The following TECRL variants were observed in gnomAD, a reference collection of about 807,000 sequenced individuals.
The protein encoded by TECRL is trans-2,3-enoyl-CoA reductase-like.
In TECRL, 63 loss-of-function variants were observed where a neutral mutation model predicts 52.8. That is an observed-to-expected ratio of 1.19 (90% confidence interval 0.97 to 1.47). TECRL has a LOEUF of 1.47. Ranked by LOEUF, TECRL falls within the 40% of genes most tolerant of loss-of-function variation. The pLI is 0.00. For missense variants in TECRL, 482 were observed against 429.6 expected, an observed-to-expected ratio of 1.12 and a Z score of -1.08; for synonymous variants, 164 against 141.9, an observed-to-expected ratio of 1.16 and a Z score of -1.10.
chr4:64,302,186 C>T (rs1410139698), intron 7 of TECRL, among the ~76,000 whole-genome samples: 1 of 151,300 alleles, frequency 6.6e-6, no homozygotes, highest in South Asian at 2.1e-4. Context: ...GGAAAATAAA[C>T]TCTAGTAGAA....
At position 64,327,459 on chromosome 4, in the gene TECRL, A is replaced by G. The variant is rs865877033; in HGVS notation, c.331+1053T>C. On this transcript the variant is annotated intron_variant, in intron 3 of 11. Transcript: ENST00000381210. ...TGTGTAAGAGTCAATTTCATTTCAT[A>G]TATGTCAACATCCATGTATTGAAAG... is the stretch of plus-strand genomic sequence containing the variant. 4.6e-5 allele frequency among the ~76,000 whole-genome samples: 7 copies of G among 152,242 alleles called. No homozygotes were observed. In the Middle Eastern group the frequency reaches 0.01, roughly 222 times the overall value.
At chr4:64,314,544 T>C (rs1337065233) in intron 5 of TECRL, 104 bp downstream of exon 5, 1 of 833,430 alleles carries the variant, frequency 1.2e-6, no homozygotes, top group Non-Finnish European at 2.0e-6. Flanking sequence ...ACAACCTTTA[T>C]TAATATTTTA....
intron 2 of TECRL, among the ~76,000 whole-genome samples, chr4:64,358,595 T>C (rs1720951061): frequency 6.6e-6 from 1 of 151,664 alleles, no homozygotes; most frequent in Non-Finnish European, 1.5e-5. Context: ...ACTTTATTCT[T>C]TGTAATTTGT....
Position 64,314,620 on chromosome 4 carries a change from TG to T in TECRL, c.551+27del, listed in dbSNP as rs761616219. The stretch of plus-strand genomic sequence containing the variant: ...GTGTGTGTGTGTGTGTGTGTGTGTG[TG>T]TGTGTGTGTGTGTGTGTATCACTTA... On this transcript the variant is annotated intron_variant, in intron 5 of 11. Transcript: ENST00000381210. 7.9e-6 allele frequency: 9 copies of T among 1,143,944 alleles called. No homozygotes were observed. The South Asian group carries it at 1.1e-4, about 14-fold the overall frequency. 70.9% of individuals were successfully genotyped at this position (1,143,944 alleles called of 1,614,324 possible). A position where few individuals can be genotyped will look rare whatever the true frequency, so the allele number is the denominator to read the frequency against.
intron 1 of TECRL, among the ~76,000 whole-genome samples, chr4:64,388,012 T>C (rs1488250420): frequency 1.3e-5 from 2 of 151,770 alleles, no homozygotes; most frequent in Non-Finnish European, 2.9e-5. Flanking sequence ...TATTTTCATA[T>C]AGTAGAAATT....
At chr4:64,338,771 A>T (rs1292687280) in intron 2 of TECRL, among the ~76,000 whole-genome samples, 1 of 152,230 alleles carries the variant, frequency 6.6e-6, no homozygotes, top group Non-Finnish European at 1.5e-5. Context: ...ATCATTAAAA[A>T]GTCAGGAAAC....
intron 1 of TECRL, among the ~76,000 whole-genome samples, chr4:64,378,703 G>T (rs960546604): frequency 6.6e-6 from 1 of 152,048 alleles, no homozygotes; most frequent in Non-Finnish European, 1.5e-5. Context: ...AGAATAGCAA[G>T]AATTTTCACT....
At chr4:64,283,582 A>G (rs1254209141) in intron 9 of TECRL, among the ~76,000 whole-genome samples, 1 of 152,098 alleles carries the variant, frequency 6.6e-6, no homozygotes, top group Non-Finnish European at 1.5e-5. Context: ...ACACATCTAA[A>G]ACAAACTGCT....
intron 8 of TECRL, among the ~76,000 whole-genome samples, chr4:64,295,872 T>G (rs1436240999): frequency 6.6e-6 from 1 of 151,968 alleles, no homozygotes; most frequent in Non-Finnish European, 1.5e-5. Flanking sequence ...CTTTAATTAG[T>G]CAACTAGTTT....
chr4:64,334,585 C>A (rs576117269), intron 2 of TECRL, among the ~76,000 whole-genome samples: 6 of 152,280 alleles, frequency 3.9e-5, no homozygotes, highest in African/African-American at 1.4e-4. Flanking sequence ...AAAAACAATG[C>A]AACTGCTAAA....
chr4:64,341,082 C>T (rs1262499841), intron 2 of TECRL, among the ~76,000 whole-genome samples: 1 of 152,124 alleles, frequency 6.6e-6, no homozygotes, highest in Non-Finnish European at 1.5e-5. Context: ...AGAGGAGCTT[C>T]CCACTCTAGG....
intron 2 of TECRL, among the ~76,000 whole-genome samples, chr4:64,353,700 G>C (rs1020078595): frequency 1.3e-5 from 2 of 152,120 alleles, no homozygotes; most frequent in African/African-American, 4.8e-5. Context: ...TTAATGTACA[G>C]TGGAAAGTTC....
intron 1 of TECRL, among the ~76,000 whole-genome samples, chr4:64,391,479 A>T (rs1004252655): frequency 2.0e-5 from 3 of 151,848 alleles, no homozygotes; most frequent in African/African-American, 7.2e-5. Context: ...TAGGCAAAAA[A>T]CTGTGTCTAC....
intron 2 of TECRL, among the ~76,000 whole-genome samples, chr4:64,343,022 A>G (rs1385305581): frequency 1.3e-5 from 2 of 152,118 alleles, no homozygotes; most frequent in African/African-American, 4.8e-5. Flanking sequence ...AATAAAAAAT[A>G]ATAGTACAGT....
At chr4:64,366,980 A>G (rs1721642011) in intron 2 of TECRL, among the ~76,000 whole-genome samples, 1 of 152,176 alleles carries the variant, frequency 6.6e-6, no homozygotes, top group African/African-American at 2.4e-5. Flanking sequence ...TATGAAATCA[A>G]CCTAGAAGCT....
At chr4:64,377,522 G>A (rs952673345) in intron 1 of TECRL, among the ~76,000 whole-genome samples, 4 of 151,924 alleles carry the variant, frequency 2.6e-5, no homozygotes, top group African/African-American at 9.7e-5. Flanking sequence ...TAATTATACA[G>A]ATGGGAGTTA....
At position 64,379,390 on chromosome 4, in the gene TECRL, G is replaced by A. The variant is rs116160007; in HGVS notation, c.235-4167C>T. Among the ~76,000 whole-genome samples, 968 of 152,038 alleles carry A rather than the reference G, an allele frequency of 6.4e-3. 8 individuals are homozygous for A. The highest frequency in any genetic ancestry group is 0.022 in the African/African-American group (916 of 41,452). The stretch of plus-strand genomic sequence containing the variant: ...CTATACATATTTACGGGGTGCATGT[G>A]CTATATTGATATGTACATGAAATGT... On this transcript the variant is annotated intron_variant, in intron 1 of 11. Transcript: ENST00000381210.
chr4:64,360,808 T>A (rs2109613034), intron 2 of TECRL, among the ~76,000 whole-genome samples: 1 of 152,198 alleles, frequency 6.6e-6, no homozygotes, highest in South Asian at 2.1e-4. Flanking sequence ...AGTTCTGGAA[T>A]CCCAGCGGTG....
intron 2 of TECRL, among the ~76,000 whole-genome samples, chr4:64,366,910 A>G (rs1027124658): frequency 2.7e-5 from 4 of 147,198 alleles, no homozygotes; most frequent in African/African-American, 1.0e-4. Context: ...GGAATATGTC[A>G]TTCTACCAAA....
Sources: gnomAD v4.1 joint callset for allele counts (sites outside exome capture counted in the v4.1 genomes callset) on GRCh38, gnomAD v4.1.1 for gene constraint, MANE v1.5 for transcripts, NCBI Gene and HGNC (gene_info 2026-07-23, HGNC 2026-07-21) for gene names.